TVP23A: variants seen among roughly 807,000 people sequenced by gnomAD.
The protein encoded by TVP23A is Golgi apparatus membrane protein TVP23 homolog A.
In TVP23A, 21 loss-of-function variants were observed where a neutral mutation model predicts 31.7. The observed-to-expected ratio is 0.66, with a 90% CI of 0.47 to 0.95. TVP23A has a LOEUF of 0.95. Ranked by LOEUF, TVP23A falls within the 40% of genes least tolerant of loss-of-function variation. The pLI is 0.00. For synonymous variants in TVP23A, 104 were observed against 96.0 expected, an observed-to-expected ratio of 1.08 and a Z score of -0.49; for missense variants, 279 against 255.6, an observed-to-expected ratio of 1.09 and a Z score of -0.62.
chr16:10,770,868 C>CAAAAAAAAAAAAAAAAAAAAAAAA (rs376701429), intron 6 of TVP23A, among the ~76,000 whole-genome samples: 3 of 66,456 alleles, frequency 4.5e-5, no homozygotes, highest in African/African-American at 1.1e-4. Flanking sequence ...ACTCCCATCT[C>CAAAAAAAAAAAAAAAAAAAAAAAA]AAAAAAAAAA....
At chr16:10,793,434 C>T (rs982424385) in intron 2 of TVP23A, among the ~76,000 whole-genome samples, 5 of 152,186 alleles carry the variant, frequency 3.3e-5, no homozygotes, top group African/African-American at 4.8e-5. Flanking sequence ...ACCCTTCACC[C>T]TCCACCTCTG....
intron 2 of TVP23A, among the ~76,000 whole-genome samples, chr16:10,797,396 T>C (rs936333100): frequency 6.9e-6 from 1 of 144,668 alleles, no homozygotes. Context: ...AAAAAAAAAA[T>C]AAAAGAATAG....
At chr16:10,775,167 T>C (rs2031919303) in intron 2 of TVP23A, 71 bp from the exon 3 acceptor site, 2 of 1,531,618 alleles carry the variant, frequency 1.3e-6, no homozygotes, top group Admixed American at 2.1e-5. Flanking sequence ...CCTTTACCAC[T>C]TCAGACTTTG....
intron 2 of TVP23A, among the ~76,000 whole-genome samples, chr16:10,810,985 T>C (rs1473437793): frequency 6.6e-6 from 1 of 152,222 alleles, no homozygotes; most frequent in African/African-American, 2.4e-5. Flanking sequence ...CTATTGGTTT[T>C]GTTTCTTTGG....
At chr16:10,774,471 G>T (rs1167326591) in intron 3 of TVP23A, among the ~76,000 whole-genome samples, 3 of 151,980 alleles carry the variant, frequency 2.0e-5, no homozygotes, top group South Asian at 2.1e-4. Context: ...CACGTGTTGT[G>T]GGGGAGACCG....
chr16:10,790,279 A>AT (rs376916439), intron 2 of TVP23A, among the ~76,000 whole-genome samples: 44,358 of 114,600 alleles, frequency 0.39, 9,109 homozygotes, highest in East Asian at 0.66. Flanking sequence ...TTGGGGTAAA[A>AT]TTTTTTTTTT....
Position 10,766,904 on chromosome 16 carries a change from A to G in TVP23A, c.*2198T>C. Reference sequence around the variant, plus strand: ...ATTTCCTGTTATGGCTCAAGTGCGAATTGGCCTTATGTTCCCTGCCTCTGG... The same window carrying G: ...ATTTCCTGTTATGGCTCAAGTGCGAGTTGGCCTTATGTTCCCTGCCTCTGG... On this transcript the variant is annotated 3_prime_UTR_variant, in exon 8 of 8. Transcript: ENST00000299866. The surrounding 1 kb of genome is among the most constrained non-coding windows in gnomAD (Gnocchi z 4.8). 2.5e-6 allele frequency: 1 copy of G among 398,600 alleles called. No homozygotes were observed. Among genetic ancestry groups the G allele is most frequent in the African/African-American group, 2.1e-5 (1 of 48,730 alleles). The allele number at this position is 398,600 out of a possible 1,614,324, so 24.7% of individuals were successfully genotyped here. A position where few individuals can be genotyped will look rare whatever the true frequency, so the allele number is the denominator to read the frequency against.
At chr16:10,808,938 G>A (rs537858633) in intron 2 of TVP23A, among the ~76,000 whole-genome samples, 162 of 152,258 alleles carry the variant, frequency 1.1e-3, no homozygotes, top group Non-Finnish European at 2.0e-3. Flanking sequence ...CTTTGGGTTC[G>A]GAGGAATTCT....
In TVP23A at chr16:10,773,411, C is replaced by T; in HGVS notation, c.355G>A (p.Ala119Thr). 1 of 1,609,936 alleles carries T rather than the reference C, an allele frequency of 6.2e-7. No homozygotes were observed. Among genetic ancestry groups the T allele is most frequent in the South Asian group, 1.1e-5 (1 of 89,694 alleles). ...VSPNSIAATE[A>T]EARIFWLGLI... Reference sequence around the variant, plus strand: ...CCCAGCCAGAAGATTCGTGCTTCAGCTTCTGTGGCAGCAATGCTATTCGGA... The same window carrying T: ...CCCAGCCAGAAGATTCGTGCTTCAGTTTCTGTGGCAGCAATGCTATTCGGA... Residue 119 changes from alanine to threonine, a missense_variant, in exon 5 of 8, where the codon GCT becomes ACT. Physicochemically the swap from Ala to Thr is moderately conservative, Grantham distance 58 (BLOSUM62 0). Coordinates refer to ENST00000299866, the MANE Select transcript of TVP23A (RefSeq NM_001079512.4).
At chr16:10,814,675 T>G (rs949113678) in intron 2 of TVP23A, among the ~76,000 whole-genome samples, 2 of 152,244 alleles carry the variant, frequency 1.3e-5, no homozygotes, top group African/African-American at 4.8e-5. Context: ...CAGCCACATG[T>G]GGCTATTTAC....
At chr16:10,813,478 GT>G (rs1487928197) in intron 2 of TVP23A, among the ~76,000 whole-genome samples, 1 of 152,136 alleles carries the variant, frequency 6.6e-6, no homozygotes, top group Admixed American at 6.6e-5. Flanking sequence ...TCCAATTAAT[GT>G]TTGGATCCTT....
intron 6 of TVP23A, among the ~76,000 whole-genome samples, chr16:10,770,850 A>C (rs2031547732): frequency 7.3e-6 from 1 of 136,210 alleles, no homozygotes; most frequent in Non-Finnish European, 1.5e-5. Context: ...GCCTGGGAGC[A>C]GAGTGAGACT....
In TVP23A at chr16:10,777,740, G is replaced by C. The variant is rs1308144439; in HGVS notation, c.90-2644C>G. Among the ~76,000 whole-genome samples the C allele has an allele frequency of 6.6e-6, 1 of 152,178 alleles. No individual in the cohort carries two copies. Among genetic ancestry groups the C allele is most frequent in the East Asian group, 1.9e-4 (1 of 5,190 alleles). On this transcript the variant is annotated intron_variant, in intron 2 of 7. Coordinates refer to ENST00000299866, the MANE Select transcript of TVP23A (RefSeq NM_001079512.4). The surrounding 1 kb of genome is among the most constrained non-coding windows in gnomAD (Gnocchi z 4.5). ...AATTAGACAGGATCAAGCCGGGCGTGGTGGCTCACGCCTGTAATCCCAGCA... is the reference window on the plus strand; with the variant it reads ...AATTAGACAGGATCAAGCCGGGCGTCGTGGCTCACGCCTGTAATCCCAGCA...
At chr16:10,812,937 C>T (rs542563860) in intron 2 of TVP23A, among the ~76,000 whole-genome samples, 3 of 152,142 alleles carry the variant, frequency 2.0e-5, no homozygotes, top group African/African-American at 7.2e-5. Context: ...AAAAGTTTGC[C>T]CACCGGGGAA....
chr16:10,810,630 A>G (rs1016942047), intron 2 of TVP23A, among the ~76,000 whole-genome samples: 4 of 152,082 alleles, frequency 2.6e-5, no homozygotes, highest in Non-Finnish European at 5.9e-5. Flanking sequence ...CAAACCTTTG[A>G]GGGCCTGAAT....
chr16:10,815,669 G>A (rs7203583), intron 2 of TVP23A, among the ~76,000 whole-genome samples: 2,628 of 152,280 alleles, frequency 0.017, 69 homozygotes, highest in South Asian at 0.11. Flanking sequence ...TGTCTGGAGT[G>A]CTAACATTAA....
At chr16:10,816,940 C>G (rs553426915) in intron 2 of TVP23A, among the ~76,000 whole-genome samples, 2 of 151,484 alleles carry the variant, frequency 1.3e-5, no homozygotes, top group South Asian at 4.2e-4. Flanking sequence ...CACACACACA[C>G]ACACACACAC....
intron 6 of TVP23A, 70 bp from the exon 7 acceptor site, chr16:10,770,401 G>T (rs962765598): frequency 6.7e-7 from 1 of 1,502,708 alleles, no homozygotes. Flanking sequence ...CTGATGGAAG[G>T]CCAGAGAAAA....
At chr16:10,813,231 G>A (rs537214311) in intron 2 of TVP23A, among the ~76,000 whole-genome samples, 17 of 152,258 alleles carry the variant, frequency 1.1e-4, no homozygotes, top group Non-Finnish European at 1.6e-4. Context: ...CCATTTTACC[G>A]ACTGGCCAAT....
Sources: allele counts gnomAD v4.1 joint callset (sites outside exome capture counted in the v4.1 genomes callset), GRCh38; gene constraint gnomAD v4.1.1; non-coding constraint Gnocchi (gnomAD v3.1); transcripts MANE v1.5; gene names NCBI Gene and HGNC (gene_info 2026-07-23, HGNC 2026-07-21).